The following SERPINA3 variants were observed in gnomAD, a reference collection of about 807,000 sequenced individuals.
The protein encoded by SERPINA3 is alpha-1-antichymotrypsin.
In SERPINA3, 32 loss-of-function variants were observed where a neutral mutation model predicts 26.8. The ratio of observed to expected loss-of-function variants is 1.20; its 90% CI spans 0.90 to 1.61. The LOEUF (loss-of-function observed/expected upper bound fraction) is 1.61. Ranked by LOEUF, SERPINA3 falls within the 40% of genes most tolerant of loss-of-function variation. SERPINA3 has a pLI of 0.00. For synonymous variants in SERPINA3, 252 were observed against 206.4 expected, an observed-to-expected ratio of 1.22 and a Z score of -1.89; for missense variants, 632 against 517.9, an observed-to-expected ratio of 1.22 and a Z score of -2.14.
Position 94,619,158 on chromosome 14 carries a change from C to T in SERPINA3, c.644-37C>T, listed in dbSNP as rs376164317. On this transcript the variant is annotated intron_variant, in intron 2 of 4. Transcript: ENST00000393078. Reference sequence around the variant, plus strand: ...GCAGGGTCGAGCAGGGCGACCCTTGCACTCACACCTTCTCCAACTGCTTGC... The same window carrying T: ...GCAGGGTCGAGCAGGGCGACCCTTGTACTCACACCTTCTCCAACTGCTTGC... 4.3e-6 allele frequency: 7 copies of T among 1,613,620 alleles called. No homozygotes were observed. In the African/African-American group the frequency reaches 8.0e-5, roughly 18 times the overall value.
intron 2 of SERPINA3, chr14:94,617,658 A>G (rs912135074): frequency 5.3e-5 from 8 of 152,156 alleles, no homozygotes; most frequent in Non-Finnish European, 1.2e-4. Context: ...ACCTGGGCCC[A>G]TTTGAAAATT....
At chr14:94,618,827 A>G (rs537577779) in intron 2 of SERPINA3, 12 of 379,528 alleles carry the variant, frequency 3.2e-5, no homozygotes, top group Admixed American at 2.3e-4. Flanking sequence ...CTAATGAGAC[A>G]TTTTTCCTTT....
At chr14:94,620,471 A>G (rs1886159554) in intron 3 of SERPINA3, among the ~76,000 whole-genome samples, 1 of 152,212 alleles carries the variant, frequency 6.6e-6, no homozygotes, top group South Asian at 2.1e-4. Context: ...AGGTAGGGCC[A>G]CGTAGACCCC....
rs546254514 is a variant in SERPINA3 at position 94,619,153 on chromosome 14, C to G, written c.644-42C>G. On this transcript the variant is annotated intron_variant, in intron 2 of 4. Transcript: ENST00000393078. ...CGGAAGCAGGGTCGAGCAGGGCGAC[C>G]CTTGCACTCACACCTTCTCCAACTG... The G allele has an allele frequency of 9.3e-6, 15 of 1,613,228 alleles. No individual in the cohort carries two copies. In the African/African-American group the frequency reaches 1.5e-4, roughly 16 times the overall value.
At position 94,616,242 on chromosome 14, in the gene SERPINA3, G is replaced by C. The variant is rs1885993621; in HGVS notation, c.643+1158G>C. On this transcript the variant is annotated intron_variant, in intron 2 of 4. Coordinates refer to ENST00000393078, the MANE Select transcript of SERPINA3 (RefSeq NM_001085.5). ...ATGGGAAACAGGCAGGTGGTAAACA[G>C]GTGGGCAGTGGAGGTGGCCCCATGT... Among the ~76,000 whole-genome samples the C allele has an allele frequency of 2.0e-5, 3 of 152,258 alleles. No homozygotes were observed. The South Asian group carries it at 6.2e-4, about 32-fold the overall frequency.
chr14:94,615,283 G>A (rs566841800), intron 2 of SERPINA3, among the ~76,000 whole-genome samples, 199 bp downstream of exon 2: 1 of 152,374 alleles, frequency 6.6e-6, no homozygotes, highest in East Asian at 1.9e-4. Context: ...TTTGTCCTTG[G>A]AAGACATAAT....
intron 2 of SERPINA3, among the ~76,000 whole-genome samples, chr14:94,616,012 C>A (rs181231112): frequency 6.6e-6 from 1 of 152,184 alleles, no homozygotes. Flanking sequence ...CCTGGGCAAG[C>A]CACTTCCCCT....
At chr14:94,622,603 A>T (rs1886246699) in intron 4 of SERPINA3, 112 bp downstream of exon 4, 3 of 1,182,392 alleles carry the variant, frequency 2.5e-6, no homozygotes, top group South Asian at 1.3e-5. Context: ...TGCATTTCTC[A>T]TTATATACTC....
chr14:94,619,379 C>T lies in SERPINA3; in HGVS notation c.828C>T (p.Phe276=). Residue 276 remains phenylalanine (F), a synonymous_variant, in exon 3 of 5, where the codon TTC becomes TTT. Transcript: ENST00000393078. ...ACACAGGCAATGCCAGCGCACTCTT[C>T]ATCCTCCCTGATCAAGACAAGATGG... The part of the protein sequence containing the change: ...LKYTGNASAL[F]ILPDQDKMEE... The T allele has an allele frequency of 6.2e-7, 1 of 1,614,174 alleles. No individual in the cohort carries two copies. Among genetic ancestry groups the T allele is most frequent in the Non-Finnish European group, 8.5e-7 (1 of 1,179,994 alleles).
Position 94,619,366 on chromosome 14 carries a change from C to G in SERPINA3, c.815C>G (p.Ala272Gly), listed in dbSNP as rs780387698. The G allele has an allele frequency of 6.2e-7, 1 of 1,614,172 alleles. No individual in the cohort carries two copies. Among genetic ancestry groups the G allele is most frequent in the East Asian group, 2.2e-5 (1 of 44,876 alleles). ...GTGGAGCTGAAGTACACAGGCAATG[C>G]CAGCGCACTCTTCATCCTCCCTGAT... ...TVVELKYTGNASALFILPDQD... is the reference protein window; with the variant it reads ...TVVELKYTGNGSALFILPDQD... The change falls in exon 3 of 5, where the codon GCC becomes GGC. Residue 272 changes from alanine (A) to glycine (G), a missense_variant. By Grantham distance (60) the Ala-to-Gly change is moderately conservative (BLOSUM62 0). Transcript: ENST00000393078.
At chr14:94,612,893 C>T (rs916364545) in intron 1 of SERPINA3, among the ~76,000 whole-genome samples, 10 of 152,112 alleles carry the variant, frequency 6.6e-5, no homozygotes, top group African/African-American at 2.4e-4. Context: ...GCCTCGGGAG[C>T]TCCACTTCCC....
chr14:94,620,178 A>G lies in SERPINA3; in HGVS notation c.917+710A>G, dbSNP rs553036874. ...TAGGTGATGTTTGAGCATCCATATA[A>G]CAGAGGGGAGGGGTGGAGTCATGTT... On this transcript the variant is annotated intron_variant, in intron 3 of 4. Transcript: ENST00000393078. 4.6e-5 allele frequency among the ~76,000 whole-genome samples: 7 copies of G among 152,268 alleles called. 1 individual carries two copies. In the South Asian group the frequency reaches 1.5e-3, roughly 32 times the overall value.
At chr14:94,618,486 T>C (rs1415655466) in intron 2 of SERPINA3, 1 of 153,208 alleles carries the variant, frequency 6.5e-6, no homozygotes, top group Non-Finnish European at 1.5e-5. Context: ...CTTAGCTGAA[T>C]ATTCATGGTC....
chr14:94,617,814 A>G (rs1259155130), intron 2 of SERPINA3: 1 of 152,164 alleles, frequency 6.6e-6, no homozygotes, highest in Non-Finnish European at 1.5e-5. Flanking sequence ...TTTTTCCATA[A>G]AGGGCCTAGT....
intron 1 of SERPINA3, 47 bp downstream of exon 1, chr14:94,612,494 C>T: frequency 8.1e-7 from 1 of 1,231,108 alleles, no homozygotes; most frequent in Non-Finnish European, 1.1e-6. Flanking sequence ...ATCTGTTTTT[C>T]CAGGAGAGTT....
At chr14:94,618,687 G>A (rs114626114) in intron 2 of SERPINA3, 25 of 203,668 alleles carry the variant, frequency 1.2e-4, no homozygotes, top group African/African-American at 5.8e-4. Context: ...ACACTGATTG[G>A]CATCTCTTCT....
chr14:94,622,662 G>A, intron 4 of SERPINA3, 171 bp downstream of exon 4: 1 of 721,584 alleles, frequency 1.4e-6, no homozygotes, highest in Non-Finnish European at 2.4e-6. Flanking sequence ...TTACAGCCCA[G>A]CTCCTCCTGC....
At chr14:94,618,855 C>T in intron 2 of SERPINA3, 3 of 446,020 alleles carry the variant, frequency 6.7e-6, no homozygotes, top group South Asian at 2.2e-5. Flanking sequence ...CAAAGGCTGT[C>T]CCATTTCTCC....
intron 2 of SERPINA3, 95 bp downstream of exon 2, chr14:94,615,179 G>A: frequency 1.3e-5 from 18 of 1,379,220 alleles, no homozygotes; most frequent in Middle Eastern, 2.2e-4. Flanking sequence ...CCACTGTAGA[G>A]GAGAGTGCCC....
Sources: allele counts gnomAD v4.1 joint callset (sites outside exome capture counted in the v4.1 genomes callset), GRCh38; gene constraint gnomAD v4.1.1; transcripts MANE v1.5; gene names NCBI Gene and HGNC (gene_info 2026-07-23, HGNC 2026-07-21).